The following AMPH variants were observed in gnomAD, a reference collection of about 807,000 sequenced individuals.
AMPH encodes the protein amphiphysin (Stiff-Mann syndrome with breast cancer 128kD autoantigen).
Under a neutral mutation model 99.1 loss-of-function variants are expected in AMPH, and 49 were observed. That is an observed-to-expected ratio of 0.49 (90% CI 0.39 to 0.63). The LOEUF is 0.63. AMPH is among the 20% of genes least tolerant of loss of function. The pLI, the probability that AMPH is intolerant of heterozygous loss-of-function variation, is 0.00. For synonymous variants in AMPH, 314 were observed against 317.3 expected, an observed-to-expected ratio of 0.99 and a Z score of 0.11; for missense variants, 759 against 863.4, an observed-to-expected ratio of 0.88 and a Z score of 1.52.
intron 10 of AMPH, 98 bp from the exon 11 acceptor site, chr7:38,461,509 C>G: frequency 7.0e-7 from 1 of 1,435,242 alleles, no homozygotes; most frequent in Non-Finnish European, 9.7e-7. Flanking sequence ...AGATTGAGCT[C>G]TGATTGAAAC....
chr7:38,387,775 T>C (rs780834445), intron 20 of AMPH, among the ~76,000 whole-genome samples: 13 of 150,804 alleles, frequency 8.6e-5, no homozygotes, highest in South Asian at 2.1e-4. Flanking sequence ...TTTTCAAGTA[T>C]GAAGACCATA....
intron 1 of AMPH, among the ~76,000 whole-genome samples, chr7:38,621,867 G>A (rs1268931165): frequency 1.3e-5 from 2 of 152,142 alleles, no homozygotes; most frequent in Non-Finnish European, 2.9e-5. Flanking sequence ...AAGAGATTTG[G>A]TCAATTTGTG....
At chr7:38,533,292 ATAT>A (rs1790481371) in intron 2 of AMPH, among the ~76,000 whole-genome samples, 1 of 152,108 alleles carries the variant, frequency 6.6e-6, no homozygotes, top group Admixed American at 6.6e-5. Flanking sequence ...GCTCTCTGTA[ATAT>A]TTGTTCATTT....
intron 11 of AMPH, among the ~76,000 whole-genome samples, chr7:38,459,494 T>C (rs75153244): frequency 0.097 from 14,770 of 152,028 alleles, 962 homozygotes; most frequent in Middle Eastern, 0.21. Context: ...GGTATAAAAA[T>C]AGACACGTAG....
intron 17 of AMPH, among the ~76,000 whole-genome samples, chr7:38,400,281 T>C (rs1327240799): frequency 1.3e-5 from 2 of 152,202 alleles, no homozygotes; most frequent in African/African-American, 2.4e-5. Context: ...TTTCACCATG[T>C]TGGCCAGGCT....
chr7:38,622,901 G>A (rs1315351049), intron 1 of AMPH, among the ~76,000 whole-genome samples: 3 of 152,184 alleles, frequency 2.0e-5, no homozygotes, highest in Non-Finnish European at 4.4e-5. Flanking sequence ...TCCAGCTCCT[G>A]CCTCCACCCT....
In AMPH at chr7:38,546,054, T is replaced by C. The variant is rs546827859; in HGVS notation, c.70-11043A>G. Among the ~76,000 whole-genome samples the C allele has an allele frequency of 5.9e-5, 9 of 152,282 alleles. No individual in the cohort carries two copies. The East Asian group carries it at 1.7e-3, about 29-fold the overall frequency. ...TGAAGGCTGGACACAGTATTTTCAG[T>C]TCAGTTTGTCCACGTGGTCGTTTTC... is the stretch of plus-strand genomic sequence containing the variant. On this transcript the variant is annotated intron_variant, in intron 1 of 20. Transcript: ENST00000356264.
At chr7:38,518,958 T>C (rs1789851564) in intron 2 of AMPH, among the ~76,000 whole-genome samples, 1 of 152,230 alleles carries the variant, frequency 6.6e-6, no homozygotes, top group Non-Finnish European at 1.5e-5. Flanking sequence ...AAGAGATGAT[T>C]AGGTCATGCG....
chr7:38,405,388 G>A (rs1403549163), intron 17 of AMPH, among the ~76,000 whole-genome samples: 2 of 152,072 alleles, frequency 1.3e-5, no homozygotes, highest in Admixed American at 6.5e-5. Flanking sequence ...TAGCCTTAAT[G>A]TTCCACTTAT....
intron 10 of AMPH, 65 bp downstream of exon 10, chr7:38,462,910 C>A: frequency 1.0e-5 from 15 of 1,487,080 alleles, no homozygotes; most frequent in South Asian, 2.9e-5. Flanking sequence ...GTGGGATTAT[C>A]CTAGATGGGG....
intron 2 of AMPH, among the ~76,000 whole-genome samples, chr7:38,509,873 G>T (rs1789473795): frequency 6.6e-6 from 1 of 152,114 alleles, no homozygotes; most frequent in South Asian, 2.1e-4. Flanking sequence ...CCTGCTGTGG[G>T]TATAGATGCT....
chr7:38,613,804 CAAAA>C (rs71558128), intron 1 of AMPH, among the ~76,000 whole-genome samples: 1 of 144,768 alleles, frequency 6.9e-6, no homozygotes, highest in African/African-American at 2.6e-5. Context: ...GAATAAAAGC[CAAAA>C]AAAAAAAAAA....
chr7:38,488,620 G>GT (rs1471680198), intron 5 of AMPH, among the ~76,000 whole-genome samples: 6 of 152,230 alleles, frequency 3.9e-5, no homozygotes, highest in African/African-American at 1.4e-4. Context: ...GTATACCTAT[G>GT]TAACAAACCT....
intron 2 of AMPH, among the ~76,000 whole-genome samples, chr7:38,512,592 C>T (rs879111889): frequency 3.9e-5 from 6 of 152,066 alleles, no homozygotes; most frequent in African/African-American, 7.2e-5. Context: ...GCAACTAAAG[C>T]GGGTAACAGA....
chr7:38,555,761 G>C (rs1166074574), intron 1 of AMPH, among the ~76,000 whole-genome samples: 1 of 152,064 alleles, frequency 6.6e-6, no homozygotes, highest in Non-Finnish European at 1.5e-5. Flanking sequence ...AAGTCAACAG[G>C]GATCAAATTA....
rs183752555 is a variant in AMPH at position 38,622,423 on chromosome 7, A to G, written c.69+8860T>C. On this transcript the variant is annotated intron_variant, in intron 1 of 20. Transcript: ENST00000356264. Reference sequence around the variant, plus strand: ...TCATATATATGAATGTATGTAATATATGTAACTATATATTTGTATGTATGA... The same window carrying G: ...TCATATATATGAATGTATGTAATATGTGTAACTATATATTTGTATGTATGA... Among the ~76,000 whole-genome samples the G allele has an allele frequency of 4.7e-5, 7 of 150,056 alleles. No individual in the cohort carries two copies. The East Asian group carries it at 1.2e-3, about 25-fold the overall frequency.
intron 3 of AMPH, among the ~76,000 whole-genome samples, chr7:38,495,668 C>A (rs1336099111): frequency 1.3e-5 from 2 of 150,756 alleles, no homozygotes; most frequent in Admixed American, 6.6e-5. Flanking sequence ...ATTTGAAGAT[C>A]TGCTGTATTA....
chr7:38,404,142 G>A (rs758907733), intron 17 of AMPH, among the ~76,000 whole-genome samples: 1 of 151,854 alleles, frequency 6.6e-6, no homozygotes, highest in Non-Finnish European at 1.5e-5. Flanking sequence ...GTGAACTGAA[G>A]GTCACGAGTC....
intron 11 of AMPH, among the ~76,000 whole-genome samples, chr7:38,459,523 A>G (rs1184459124): frequency 6.6e-6 from 1 of 152,168 alleles, no homozygotes; most frequent in East Asian, 1.9e-4. Flanking sequence ...AACAAAATAC[A>G]AAGCCCAGTA....
Sources: allele counts gnomAD v4.1 joint callset (sites outside exome capture counted in the v4.1 genomes callset), GRCh38; gene constraint gnomAD v4.1.1; transcripts MANE v1.5; gene names NCBI Gene and HGNC (gene_info 2026-07-23, HGNC 2026-07-21).